The following ANK2 variants were observed in gnomAD, a reference collection of about 807,000 sequenced individuals.
ANK2 encodes ankyrin-2.
In ANK2, 83 loss-of-function variants were observed where a neutral mutation model predicts 360.5. The ratio of observed to expected loss-of-function variants is 0.23; its 90% CI spans 0.19 to 0.28. ANK2 has a LOEUF of 0.28. Among genes scored for constraint, ANK2 ranks in the 10% least tolerant of loss-of-function variants. The pLI is 1.00. For missense variants in ANK2, 4,201 were observed against 4,795.7 expected, an observed-to-expected ratio of 0.88 and a Z score of 3.66; for synonymous variants, 1,740 against 1,759.5, an observed-to-expected ratio of 0.99 and a Z score of 0.28.
intron 14 of ANK2, among the ~76,000 whole-genome samples, chr4:113,271,008 T>G (rs895981061): frequency 6.6e-6 from 1 of 152,218 alleles, no homozygotes; most frequent in African/African-American, 2.4e-5. Context: ...AGAGGATTCC[T>G]GTGTTGTAGG....
chr4:112,843,188 T>C (rs981939622), intron 1 of ANK2, among the ~76,000 whole-genome samples: 1 of 152,222 alleles, frequency 6.6e-6, no homozygotes, highest in African/African-American at 2.4e-5. Flanking sequence ...ATTTAAGGGT[T>C]CCAGGGATTA....
chr4:113,241,974 A>C, intron 8 of ANK2, 137 bp from the exon 9 acceptor site: 1 of 720,736 alleles, frequency 1.4e-6, no homozygotes, highest in Non-Finnish European at 2.5e-6. Context: ...CTTAAAAATC[A>C]AAGACATAGA....
chr4:113,094,349 A>G (rs2154355326), intron 1 of ANK2, among the ~76,000 whole-genome samples: 1 of 152,332 alleles, frequency 6.6e-6, no homozygotes, highest in Admixed American at 6.5e-5. Flanking sequence ...CCTATCTCTG[A>G]GACAAAGACT....
chr4:112,719,682 C>G, the ANK2 span, among the ~76,000 whole-genome samples: 8 of 149,282 alleles, frequency 5.4e-5, no homozygotes, highest in African/African-American at 2.0e-4. Flanking sequence ...GAGCTGAGAT[C>G]GCCGATTACA....
At chr4:112,785,380 T>C in the ANK2 span, among the ~76,000 whole-genome samples, 1 of 151,914 alleles carries the variant, frequency 6.6e-6, no homozygotes, top group African/African-American at 2.4e-5. Context: ...TTCCTTTTTT[T>C]CCTTTTTTTT....
chr4:113,217,098 C>A (rs1410615185), intron 4 of ANK2: 2 of 152,140 alleles, frequency 1.3e-5, no homozygotes, highest in African/African-American at 4.8e-5. Context: ...TATGAGAATT[C>A]TTCCAAAGAA....
intron 2 of ANK2, among the ~76,000 whole-genome samples, chr4:112,915,575 TC>T (rs2089466018): frequency 6.6e-6 from 1 of 151,654 alleles, no homozygotes; most frequent in Non-Finnish European, 1.5e-5. Flanking sequence ...ATGGGGTGAA[TC>T]CCCGTCTCTA....
chr4:112,792,749 C>A, the ANK2 span, among the ~76,000 whole-genome samples: 1 of 152,028 alleles, frequency 6.6e-6, no homozygotes, highest in Admixed American at 6.6e-5. Flanking sequence ...TTCCATCTTC[C>A]CTGCTTAGTT....
At chr4:113,293,901 C>T (rs1174745706) in intron 22 of ANK2, among the ~76,000 whole-genome samples, 1 of 152,156 alleles carries the variant, frequency 6.6e-6, no homozygotes, top group African/African-American at 2.4e-5. Flanking sequence ...GCAAACTTAC[C>T]TTAGCCAGGA....
At chr4:112,813,001 A>T in the ANK2 span, among the ~76,000 whole-genome samples, 3 of 152,062 alleles carry the variant, frequency 2.0e-5, no homozygotes, top group Non-Finnish European at 4.4e-5. Flanking sequence ...GCACTTTGGG[A>T]GCCTGATGTG....
intron 1 of ANK2, among the ~76,000 whole-genome samples, chr4:113,155,837 G>T (rs974290764): frequency 6.6e-6 from 1 of 152,126 alleles, no homozygotes. Context: ...AACAAATGTG[G>T]TAGACAATAA....
chr4:112,725,059 T>G, the ANK2 span, among the ~76,000 whole-genome samples: 2 of 151,994 alleles, frequency 1.3e-5, no homozygotes, highest in Admixed American at 1.3e-4. Context: ...GCGGGTGGAT[T>G]GTCTGAGCTC....
chr4:112,725,492 C>T, the ANK2 span, among the ~76,000 whole-genome samples: 1 of 150,144 alleles, frequency 6.7e-6, no homozygotes, highest in Non-Finnish European at 1.5e-5. Context: ...TCCCGAGTAG[C>T]TGGGACTACA....
At chr4:112,814,807 T>C (rs1040411352), upstream of ANK2, among the ~76,000 whole-genome samples, 9 of 152,150 alleles carry the variant, frequency 5.9e-5, no homozygotes, top group Non-Finnish European at 1.2e-4. Context: ...ATTAAACCTT[T>C]GTTAACTCTA....
chr4:113,194,485 A>G (rs2098719469), intron 2 of ANK2, among the ~76,000 whole-genome samples: 1 of 152,310 alleles, frequency 6.6e-6, no homozygotes, highest in South Asian at 2.1e-4. Flanking sequence ...CTTATTATAA[A>G]TCTGATTATG....
intron 1 of ANK2, among the ~76,000 whole-genome samples, chr4:113,090,479 ATC>A (rs2087333678): frequency 6.6e-6 from 1 of 152,138 alleles, no homozygotes; most frequent in Non-Finnish European, 1.5e-5. Context: ...ACCCTGAACT[ATC>A]TGTTCTTAAA....
chr4:112,934,779 A>T (rs981279455), intron 2 of ANK2, among the ~76,000 whole-genome samples: 3 of 152,354 alleles, frequency 2.0e-5, no homozygotes, highest in Middle Eastern at 3.4e-3. Context: ...AGAAAAATGA[A>T]ATATATGCTA....
At chr4:113,157,854 T>A (rs1228515142) in intron 1 of ANK2, among the ~76,000 whole-genome samples, 1 of 152,214 alleles carries the variant, frequency 6.6e-6, no homozygotes, top group African/African-American at 2.4e-5. Flanking sequence ...AGTATACAGA[T>A]GAATCATTTA....
intron 1 of ANK2, among the ~76,000 whole-genome samples, chr4:112,860,446 C>G (rs1246699228): frequency 5.9e-5 from 9 of 151,936 alleles, no homozygotes; most frequent in Admixed American, 5.9e-4. Context: ...AGGCTGGTCT[C>G]GAACTCCTGA....
Sources: allele counts gnomAD v4.1 joint callset (sites outside exome capture counted in the v4.1 genomes callset), GRCh38; gene constraint gnomAD v4.1.1; transcripts MANE v1.5; gene names NCBI Gene and HGNC (gene_info 2026-07-23, HGNC 2026-07-21).